FKBP5: variants seen among roughly 807,000 people sequenced by gnomAD.
FKBP5 encodes the protein peptidyl-prolyl cis-trans isomerase FKBP5.
A neutral mutation model predicts 50.5 loss-of-function variants in FKBP5; 23 were observed. That is an observed-to-expected ratio of 0.46 (90% CI 0.33 to 0.65). FKBP5 has a LOEUF of 0.65. Ranked by LOEUF, FKBP5 falls within the 30% of genes least tolerant of loss-of-function variation. FKBP5 has a pLI of 0.02. For synonymous variants in FKBP5, 176 were observed against 190.6 expected, an observed-to-expected ratio of 0.92 and a Z score of 0.63; for missense variants, 411 against 553.1, an observed-to-expected ratio of 0.74 and a Z score of 2.58.
chr6:35,719,796 C>A (rs1766575902), intron 2 of FKBP5, among the ~76,000 whole-genome samples: 1 of 152,234 alleles, frequency 6.6e-6, no homozygotes, highest in African/African-American at 2.4e-5. Context: ...CAACCCCAAG[C>A]TTGACTGCAA....
chr6:35,632,036 T>C (rs1343324796), intron 3 of FKBP5, among the ~76,000 whole-genome samples: 12 of 151,006 alleles, frequency 7.9e-5, no homozygotes, highest in Admixed American at 7.9e-4. Flanking sequence ...AGTGAAAATA[T>C]ATTTGCTGGG....
intron 2 of FKBP5, among the ~76,000 whole-genome samples, chr6:35,694,913 C>G (rs1487365223): frequency 6.6e-6 from 1 of 152,160 alleles, no homozygotes; most frequent in Non-Finnish European, 1.5e-5. Context: ...TTTGTCACAA[C>G]TACTCAACTC....
chr6:35,663,959 C>T (rs942348074), intron 1 of FKBP5, among the ~76,000 whole-genome samples: 1 of 152,116 alleles, frequency 6.6e-6, no homozygotes, highest in African/African-American at 2.4e-5. Flanking sequence ...ATCTAATGGA[C>T]GAGCTAAGTA....
In FKBP5 at chr6:35,637,049, T is replaced by C; in HGVS notation, c.215A>G (p.Asp72Gly). ...ACTAAAGACAAATGGTTCATTTCTA[T>C]CATGACTGGAATCAAACTTCTTTCC... ...SNGKKFDSSH[D>G]RNEPFVFSLG... Residue 72 changes from aspartate to glycine, a missense_variant, in exon 3 of 11, where the codon GAT (aspartate) becomes GGT (glycine). Asp to Gly is a moderately conservative substitution (Grantham distance 94). Coordinates refer to ENST00000357266, the MANE Select transcript of FKBP5 (RefSeq NM_004117.4). The C allele has an allele frequency of 6.2e-7, 1 of 1,608,104 alleles. No homozygotes were observed. Among genetic ancestry groups the C allele is most frequent in the Non-Finnish European group, 8.5e-7 (1 of 1,178,802 alleles).
Position 35,646,434 on chromosome 6 carries a change from T to C in FKBP5, c.-19-3591A>G, listed in dbSNP as rs1764632452. Among the ~76,000 whole-genome samples, 11 of 152,166 alleles carry C rather than the reference T, an allele frequency of 7.2e-5. No individual in the cohort carries two copies. In the South Asian group the frequency reaches 2.1e-3, roughly 29 times the overall value. Reference sequence around the variant, plus strand: ...AAACTTTTGAACTTTCAAAAGCAGATAAAGCTGGAAGAATAAAGACATAAA... The same window carrying C: ...AAACTTTTGAACTTTCAAAAGCAGACAAAGCTGGAAGAATAAAGACATAAA... On this transcript the variant is annotated intron_variant, in intron 1 of 10. Transcript: ENST00000357266.
chr6:35,629,671 T>C (rs1208851164), intron 3 of FKBP5, among the ~76,000 whole-genome samples: 1 of 152,178 alleles, frequency 6.6e-6, no homozygotes, highest in East Asian at 1.9e-4. Context: ...ACCACAACAC[T>C]GTACTCAAAA....
intron 5 of FKBP5, among the ~76,000 whole-genome samples, chr6:35,609,769 C>T (rs919155361): frequency 5.9e-5 from 9 of 152,162 alleles, no homozygotes; most frequent in Non-Finnish European, 1.0e-4. Flanking sequence ...TTCAACCCTT[C>T]CTCTGAGTTT....
At position 35,658,878 on chromosome 6, in the gene FKBP5, C is replaced by A. The variant is rs137858108; in HGVS notation, c.-19-16035G>T. On this transcript the variant is annotated intron_variant, in intron 1 of 10. Transcript: ENST00000357266. ...TTGAGCCCAGGAGTTCGAGACCAAT[C>A]TGGGCAACATGGCAAAACCCCATCT... Among the ~76,000 whole-genome samples the A allele has an allele frequency of 1.6e-3, 130 of 83,038 alleles. 53 individuals carry two copies. The East Asian group carries it at 0.033, about 21-fold the overall frequency. The allele number at this position is 83,038 out of a possible 152,430, so 54.5% of individuals were successfully genotyped here. A position where few individuals can be genotyped will look rare whatever the true frequency, so the allele number is the denominator to read the frequency against.
chr6:35,658,430 A>G (rs1473722264), intron 1 of FKBP5, among the ~76,000 whole-genome samples: 3 of 152,062 alleles, frequency 2.0e-5, no homozygotes, highest in Non-Finnish European at 4.4e-5. Flanking sequence ...ACAATTGGGA[A>G]TAGCAGATAT....
chr6:35,628,106 C>T (rs764225139), intron 3 of FKBP5, among the ~76,000 whole-genome samples: 1 of 151,880 alleles, frequency 6.6e-6, no homozygotes, highest in African/African-American at 2.4e-5. Flanking sequence ...GTTTCTAATG[C>T]AAGGTTTAGA....
Position 35,577,025 on chromosome 6 carries a change from A to G in FKBP5, c.1235T>C (p.Met412Thr). The G allele has an allele frequency of 6.2e-7, 1 of 1,614,076 alleles. No homozygotes were observed. The change falls in exon 10 of 11, where the codon ATG becomes ACG. Residue 412 changes from methionine to threonine, a missense_variant. Met to Thr is a moderately conservative substitution (Grantham distance 81). This residue lies in a region of FKBP5 where 88 missense variants were observed against 89.0 expected (regional missense o/e 0.99). Coordinates refer to ENST00000357266, the MANE Select transcript of FKBP5 (RefSeq NM_004117.4). ...ATCCTGCTCTGCAAACTTCTTGAACATGTTGGCGTATATCCTGCGGTCCCG... is the reference window on the plus strand; with the variant it reads ...ATCCTGCTCTGCAAACTTCTTGAACGTGTTGGCGTATATCCTGCGGTCCCG... Reference protein sequence around the residue: ...NERDRRIYANMFKKFAEQDAK... With the variant: ...NERDRRIYANTFKKFAEQDAK...
intron 2 of FKBP5, among the ~76,000 whole-genome samples, chr6:35,716,896 C>T (rs1766521619): frequency 6.6e-6 from 1 of 152,168 alleles, no homozygotes; most frequent in African/African-American, 2.4e-5. Flanking sequence ...CCCACCTCCC[C>T]ACAGGGGAGA....
intron 3 of FKBP5, among the ~76,000 whole-genome samples, chr6:35,621,382 G>C (rs1450731186): frequency 6.6e-6 from 1 of 152,040 alleles, no homozygotes; most frequent in Non-Finnish European, 1.5e-5. Context: ...CAGAACTTTG[G>C]GAGGCCAAGA....
intron 1 of FKBP5, among the ~76,000 whole-genome samples, chr6:35,675,385 C>A (rs1195337303): frequency 2.0e-5 from 3 of 152,198 alleles, no homozygotes; most frequent in Non-Finnish European, 4.4e-5. Flanking sequence ...GCCTGACCAA[C>A]ATGGTGAAAC....
At chr6:35,671,388 T>A (rs1253171780) in intron 1 of FKBP5, among the ~76,000 whole-genome samples, 1 of 151,864 alleles carries the variant, frequency 6.6e-6, no homozygotes, top group Non-Finnish European at 1.5e-5. Flanking sequence ...TAGAATATAG[T>A]CATATTAAAA....
chr6:35,589,107 TTTTTATATATATATATATATA>T (rs1248378102), intron 7 of FKBP5, among the ~76,000 whole-genome samples: 1 of 121,506 alleles, frequency 8.2e-6, no homozygotes, highest in Admixed American at 9.4e-5. Context: ...TATATATATA[TTTTTATATATATATATATATA>T]TTTTTTTTTT....
intron 5 of FKBP5, among the ~76,000 whole-genome samples, chr6:35,615,901 A>G (rs950397154): frequency 4.6e-5 from 7 of 152,242 alleles, no homozygotes; most frequent in Admixed American, 3.3e-4. Context: ...ATACCTCTTG[A>G]TAATGATGAA....
intron 5 of FKBP5, among the ~76,000 whole-genome samples, chr6:35,613,635 C>T (rs1763559141): frequency 6.6e-6 from 1 of 152,214 alleles, no homozygotes; most frequent in Admixed American, 6.5e-5. Flanking sequence ...TGGTTTTGAA[C>T]AGGACCACCT....
At chr6:35,712,998 G>T (rs1353649652) in intron 2 of FKBP5, among the ~76,000 whole-genome samples, 1 of 145,564 alleles carries the variant, frequency 6.9e-6, no homozygotes, top group African/African-American at 2.6e-5. Context: ...GATCACTTGA[G>T]CCCTGGAGGT....
Sources: allele counts gnomAD v4.1 joint callset (sites outside exome capture counted in the v4.1 genomes callset), GRCh38; gene constraint gnomAD v4.1.1; regional missense constraint gnomAD v4.1.1; transcripts MANE v1.5; gene names NCBI Gene and HGNC (gene_info 2026-07-23, HGNC 2026-07-21).